Variants in SLC25A43 observed in about 807,000 individuals in gnomAD.
SLC25A43 encodes solute carrier family 25 member 43, also known as solute carrier family 25, member 43.
A neutral mutation model predicts 22.8 loss-of-function variants in SLC25A43; 10 were observed. The ratio of observed to expected loss-of-function variants is 0.44; its 90% CI spans 0.27 to 0.74. The LOEUF (loss-of-function observed/expected upper bound fraction) is 0.74, where lower values mean the gene tolerates loss of function less well. Among genes scored for constraint, SLC25A43 ranks in the 30% least tolerant of loss-of-function variants. The pLI is 0.17. For missense variants in SLC25A43, 233 were observed against 279.1 expected, an observed-to-expected ratio of 0.83 and a Z score of 1.18; for synonymous variants, 106 against 121.6, an observed-to-expected ratio of 0.87 and a Z score of 0.84.
intron 3 of SLC25A43, among the ~76,000 whole-genome samples, chrX:119,417,204 G>A (rs1469497904): frequency 1.8e-5 from 2 of 109,671 alleles, no homozygotes; most frequent in African/African-American, 6.6e-5. Flanking sequence ...GATCACCTGA[G>A]GTCAGGAGTT....
chrX:119,417,178 G>A (rs1375612588), intron 3 of SLC25A43, among the ~76,000 whole-genome samples: 1 of 110,119 alleles, frequency 9.1e-6, no homozygotes, highest in Non-Finnish European at 1.9e-5. Flanking sequence ...AGCACTTTGG[G>A]AAGCCGAGGC....
intron 3 of SLC25A43, among the ~76,000 whole-genome samples, chrX:119,427,449 G>A (rs1015797579): frequency 8.0e-5 from 9 of 111,968 alleles, no homozygotes; most frequent in Non-Finnish European, 1.7e-4. Context: ...CCTTGCTGGC[G>A]GGCAGCTGCC....
chrX:119,411,842 C>G (rs1038740289), intron 3 of SLC25A43, among the ~76,000 whole-genome samples: 2 of 111,628 alleles, frequency 1.8e-5, no homozygotes, highest in African/African-American at 6.5e-5. Flanking sequence ...CGTAACAAAC[C>G]TGCACATCCT....
chrX:119,426,873 A>C (rs779098930), intron 3 of SLC25A43, among the ~76,000 whole-genome samples: 1 of 110,935 alleles, frequency 9.0e-6, no homozygotes, highest in Admixed American at 9.6e-5. Flanking sequence ...ATTACTATAA[A>C]CACACAAATG....
chrX:119,415,527 T>C lies in SLC25A43; in HGVS notation c.690+5165T>C, dbSNP rs188531412. 6.0e-3 allele frequency among the ~76,000 whole-genome samples: 628 copies of C among 105,526 alleles called. 6 individuals are homozygous for C. The highest frequency in any genetic ancestry group is 0.021 in the African/African-American group (608 of 28,688). The allele number at this position is 105,526 out of a possible 115,157, so 91.6% of individuals were successfully genotyped here. Reference sequence around the variant, plus strand: ...CGGGCCAACGTGGTGAAACCCTGTCTCTACTAAAAATGCAAAAATTAGCCG... The same window carrying C: ...CGGGCCAACGTGGTGAAACCCTGTCCCTACTAAAAATGCAAAAATTAGCCG... On this transcript the variant is annotated intron_variant, in intron 3 of 4. Coordinates refer to ENST00000217909, the MANE Select transcript of SLC25A43 (RefSeq NM_145305.3).
At chrX:119,418,316 G>A (rs1348555910) in intron 3 of SLC25A43, among the ~76,000 whole-genome samples, 5 of 111,450 alleles carry the variant, frequency 4.5e-5, no homozygotes, top group East Asian at 2.8e-4. Flanking sequence ...AATAAGTAAC[G>A]AGGGACCTTT....
chrX:119,404,507 C>A (rs2052270294), intron 1 of SLC25A43, among the ~76,000 whole-genome samples: 1 of 111,876 alleles, frequency 8.9e-6, no homozygotes, highest in Non-Finnish European at 1.9e-5. Flanking sequence ...TCCATGCCCT[C>A]CCTGGGCACG....
intron 3 of SLC25A43, among the ~76,000 whole-genome samples, chrX:119,418,828 C>T (rs2052428653): frequency 2.7e-5 from 3 of 112,119 alleles, no homozygotes; most frequent in Admixed American, 1.9e-4. Flanking sequence ...CGGACCCCAA[C>T]CACCCTGCCT....
intron 3 of SLC25A43, among the ~76,000 whole-genome samples, chrX:119,414,365 G>A (rs917325064): frequency 9.0e-6 from 1 of 111,457 alleles, no homozygotes; most frequent in Non-Finnish European, 1.9e-5. Flanking sequence ...TTCTAATGCT[G>A]TTTATGTGTT....
intron 3 of SLC25A43, among the ~76,000 whole-genome samples, chrX:119,448,910 T>A (rs977910706): frequency 9.0e-6 from 1 of 111,519 alleles, no homozygotes; most frequent in Non-Finnish European, 1.9e-5. Flanking sequence ...AAATGAATAG[T>A]CTTTAGAGGA....
At chrX:119,431,765 C>T (rs943215672) in intron 3 of SLC25A43, among the ~76,000 whole-genome samples, 4 of 111,235 alleles carry the variant, frequency 3.6e-5, no homozygotes, top group Non-Finnish European at 7.5e-5. Flanking sequence ...AGGAAGGCCC[C>T]GTGCCTGCTG....
chrX:119,404,604 G>A (rs1477485904), intron 1 of SLC25A43, among the ~76,000 whole-genome samples: 1 of 111,247 alleles, frequency 9.0e-6, no homozygotes, highest in Non-Finnish European at 1.9e-5. Context: ...ATTTGTTACA[G>A]AGGCATGATT....
chrX:119,406,314 A>T, intron 1 of SLC25A43, 146 bp from the exon 2 acceptor site: 1 of 618,056 alleles, frequency 1.6e-6, no homozygotes, highest in Non-Finnish European at 2.5e-6. Context: ...TAAATGTATT[A>T]TTCATGAATG....
chrX:119,445,160 C>T (rs1337803047), intron 3 of SLC25A43, among the ~76,000 whole-genome samples: 1 of 110,056 alleles, frequency 9.1e-6, no homozygotes, highest in African/African-American at 3.3e-5. Flanking sequence ...GCAGAAGATT[C>T]GCACTCTACC....
chrX:119,423,968 A>G (rs900660798), intron 3 of SLC25A43: 3 of 110,527 alleles, frequency 2.7e-5, no homozygotes, highest in African/African-American at 6.6e-5. Flanking sequence ...TAATCCTAGC[A>G]CTTTCGGAGG....
intron 3 of SLC25A43, among the ~76,000 whole-genome samples, chrX:119,443,982 TG>T (rs2052645129): frequency 9.1e-6 from 1 of 110,090 alleles, no homozygotes; most frequent in African/African-American, 3.3e-5. Context: ...CTTGGACTCC[TG>T]GGATCAAGCG....
intron 3 of SLC25A43, among the ~76,000 whole-genome samples, chrX:119,412,026 T>C (rs1049285870): frequency 7.2e-5 from 8 of 111,478 alleles, no homozygotes; most frequent in Non-Finnish European, 1.3e-4. Context: ...AAATGAGCAG[T>C]CCCAGCCAAG....
At chrX:119,415,718 G>A (rs1356027672) in intron 3 of SLC25A43, among the ~76,000 whole-genome samples, 1 of 105,790 alleles carries the variant, frequency 9.5e-6, no homozygotes, top group Non-Finnish European at 1.9e-5. Context: ...AATTTACCTG[G>A]TGCACAGGTG....
At chrX:119,409,648 T>A (rs1458912877) in intron 2 of SLC25A43, among the ~76,000 whole-genome samples, 2 of 108,662 alleles carry the variant, frequency 1.8e-5, no homozygotes, top group Non-Finnish European at 3.8e-5. Flanking sequence ...GGAGTTTCTC[T>A]CTTGTCACCC....
Sources: allele counts gnomAD v4.1 joint callset (sites outside exome capture counted in the v4.1 genomes callset), GRCh38; gene constraint gnomAD v4.1.1; transcripts MANE v1.5; gene names NCBI Gene and HGNC (gene_info 2026-07-23, HGNC 2026-07-21).